Variants in PVT1 observed in about 807,000 individuals in gnomAD.
The protein encoded by PVT1 is Pvt1 oncogene, also known as CXCR4/PVT1 fusion.
intron 3 of PVT1, among the ~76,000 whole-genome samples, chr8:127,964,853 G>T (rs560434659): frequency 2.6e-5 from 4 of 152,030 alleles, no homozygotes; most frequent in South Asian, 2.1e-4. Flanking sequence ...TAAGAATGGG[G>T]TTTTACCATG....
chr8:127,986,465 G>A (rs930969788), intron 3 of PVT1, among the ~76,000 whole-genome samples: 2 of 152,222 alleles, frequency 1.3e-5, no homozygotes, highest in Admixed American at 1.3e-4. Flanking sequence ...CAACCACACA[G>A]CAGGTAGATA....
intron 3 of PVT1, among the ~76,000 whole-genome samples, chr8:127,916,625 T>C (rs765206397): frequency 2.6e-5 from 4 of 152,196 alleles, no homozygotes; most frequent in Non-Finnish European, 5.9e-5. Flanking sequence ...TCTCTCATAG[T>C]AGGAATTATT....
intron 4 of PVT1, among the ~76,000 whole-genome samples, chr8:128,065,501 A>T (rs761305656): frequency 5.3e-5 from 8 of 152,058 alleles, no homozygotes; most frequent in Non-Finnish European, 1.0e-4. Flanking sequence ...TCTCTTCTTC[A>T]TTTCTCTTTC....
intron 4 of PVT1, among the ~76,000 whole-genome samples, chr8:128,027,015 T>A (rs1017641740): frequency 6.6e-6 from 1 of 152,158 alleles, no homozygotes; most frequent in Non-Finnish European, 1.5e-5. Context: ...TAATGGGTCA[T>A]CTGTTGTGAC....
At chr8:127,915,769 A>T (rs1815977002) in intron 3 of PVT1, among the ~76,000 whole-genome samples, 1 of 152,200 alleles carries the variant, frequency 6.6e-6, no homozygotes. Context: ...TGGAACCAGG[A>T]TTGGTCTGAC....
At chr8:128,095,327 C>T (rs1050291046) in intron 5 of PVT1, among the ~76,000 whole-genome samples, 1 of 152,148 alleles carries the variant, frequency 6.6e-6, no homozygotes. Flanking sequence ...TTCTCCACCA[C>T]GTAAGCTTGA....
chr8:127,898,036 T>C lies in PVT1; in HGVS notation n.782+7038T>C, dbSNP rs1057079351. Among the ~76,000 whole-genome samples the C allele has an allele frequency of 7.3e-6, 1 of 137,196 alleles. No individual in the cohort carries two copies. The highest frequency in any genetic ancestry group is 2.8e-5 in the African/African-American group (1 of 35,996). 90.0% of individuals were successfully genotyped at this position (137,196 alleles called of 152,430 possible). A position where few individuals can be genotyped will look rare whatever the true frequency, so the allele number is the denominator to read the frequency against. The stretch of plus-strand genomic sequence containing the variant: ...TCCTCTGAACCTGAGTGAAGAAATA[T>C]ACTCTGTCCTTTGTACCTGCGTGAA... On this transcript the variant is annotated intron_variant and non_coding_transcript_variant, in intron 3 of 10. Coordinates refer to ENST00000651587, the Ensembl canonical transcript of PVT1. The surrounding 1 kb of genome is among the most constrained non-coding windows in gnomAD (Gnocchi z 4.4).
At chr8:127,852,564 A>G (rs540366191) in intron 2 of PVT1, among the ~76,000 whole-genome samples, 49 of 152,170 alleles carry the variant, frequency 3.2e-4, no homozygotes, top group Middle Eastern at 3.2e-3. Context: ...TTTTAACAGT[A>G]TCTATTTCGT....
intron 3 of PVT1, among the ~76,000 whole-genome samples, chr8:127,914,311 A>T: frequency 6.9e-6 from 1 of 145,598 alleles, no homozygotes; most frequent in African/African-American, 2.5e-5. Context: ...GGCAGAAAAT[A>T]GCAAGTGTTG....
At chr8:127,949,649 T>TA (rs1360404549) in intron 3 of PVT1, among the ~76,000 whole-genome samples, 1 of 152,054 alleles carries the variant, frequency 6.6e-6, no homozygotes, top group Non-Finnish European at 1.5e-5. Context: ...CTCACATGGT[T>TA]AAACCAATGG....
At chr8:127,926,370 A>G (rs1816129906) in intron 3 of PVT1, among the ~76,000 whole-genome samples, 1 of 152,154 alleles carries the variant, frequency 6.6e-6, no homozygotes, top group Admixed American at 6.5e-5. Flanking sequence ...CACTCACCCC[A>G]GCTGCCGAGA....
At chr8:128,064,248 G>A (rs1304771974) in intron 4 of PVT1, among the ~76,000 whole-genome samples, 3 of 152,186 alleles carry the variant, frequency 2.0e-5, no homozygotes, top group Non-Finnish European at 4.4e-5. Flanking sequence ...CTGAGTTTGA[G>A]TATTGTTTTC....
At chr8:127,865,609 T>G (rs1361415010) in intron 2 of PVT1, among the ~76,000 whole-genome samples, 2 of 151,852 alleles carry the variant, frequency 1.3e-5, no homozygotes, top group Non-Finnish European at 2.9e-5. Context: ...TCCCTAGAAG[T>G]TGGAAAAGGC....
chr8:127,818,332 C>T (rs562185960), intron 2 of PVT1, among the ~76,000 whole-genome samples: 91 of 152,294 alleles, frequency 6.0e-4, no homozygotes, highest in African/African-American at 2.1e-3. Context: ...GGGTCCCACC[C>T]TGCTCCGGAA....
intron 4 of PVT1, among the ~76,000 whole-genome samples, chr8:128,063,842 TAA>T (rs1813863865): frequency 6.6e-6 from 1 of 152,206 alleles, no homozygotes; most frequent in Admixed American, 6.5e-5. Context: ...AGAGTGGATG[TAA>T]AGTGTTCTTA....
intron 2 of PVT1, among the ~76,000 whole-genome samples, chr8:127,828,767 C>T (rs926898547): frequency 1.3e-5 from 2 of 152,014 alleles, no homozygotes; most frequent in African/African-American, 4.8e-5. Context: ...TGTGTGTCCT[C>T]GTGGCCAATT....
At chr8:127,976,137 G>T (rs1352289888) in intron 3 of PVT1, among the ~76,000 whole-genome samples, 1 of 152,188 alleles carries the variant, frequency 6.6e-6, no homozygotes, top group Non-Finnish European at 1.5e-5. Context: ...GGAATAAAAG[G>T]ATGGGAGTTA....
In PVT1 at chr8:127,836,559, A is replaced by G. The variant is rs182917693; in HGVS notation, n.372+40488A>G. On this transcript the variant is annotated intron_variant and non_coding_transcript_variant, in intron 2 of 10. Transcript: ENST00000651587. ...GCCCCTCCATGGTGGAAGAAAATGG[A>G]ATGTCCTTGTTGGAGCTGGCCAGAA... Among the ~76,000 whole-genome samples, 3 of 152,236 alleles carry G rather than the reference A, an allele frequency of 2.0e-5. No individual in the cohort carries two copies. In the East Asian group the frequency reaches 5.8e-4, roughly 29 times the overall value.
intron 4 of PVT1, among the ~76,000 whole-genome samples, chr8:128,067,695 C>G (rs1166971474): frequency 1.3e-5 from 2 of 152,036 alleles, no homozygotes; most frequent in Non-Finnish European, 2.9e-5. Flanking sequence ...CAACCCAGGC[C>G]TGGGCTGGAG....
Sources: gnomAD v4.1 joint callset for allele counts (sites outside exome capture counted in the v4.1 genomes callset) on GRCh38, gnomAD v4.1.1 for gene constraint, Gnocchi (gnomAD v3.1) non-coding constraint, MANE v1.5 for transcripts, NCBI Gene and HGNC (gene_info 2026-07-23, HGNC 2026-07-21) for gene names.